The following DGKG variants were observed in gnomAD, a reference collection of about 807,000 sequenced individuals.
DGKG encodes DAG kinase gamma.
DGKG carries 78 observed loss-of-function variants against 105.3 expected under a neutral mutation model. That is an observed-to-expected ratio of 0.74 (90% confidence interval 0.62 to 0.89). DGKG has a LOEUF of 0.89. Ranked by LOEUF, DGKG falls within the 40% of genes least tolerant of loss-of-function variation. DGKG has a pLI of 0.00. For synonymous variants in DGKG, 346 were observed against 367.1 expected, an observed-to-expected ratio of 0.94 and a Z score of 0.66; for missense variants, 958 against 1,020.1, an observed-to-expected ratio of 0.94 and a Z score of 0.83.
At chr3:186,227,551 TCTGTGAAATAATTTA>T (rs1719916566) in intron 20 of DGKG, among the ~76,000 whole-genome samples, 1 of 152,206 alleles carries the variant, frequency 6.6e-6, no homozygotes, top group Admixed American at 6.5e-5. Flanking sequence ...GTTCAGGGTT[TCTGTGAAATAATTTA>T]CTGTGAAATA....
intron 24 of DGKG, among the ~76,000 whole-genome samples, chr3:186,153,466 G>A (rs11925393): frequency 6.6e-6 from 1 of 152,178 alleles, no homozygotes; most frequent in Non-Finnish European, 1.5e-5. Flanking sequence ...ATCACTGACA[G>A]CACCTGGCCA....
At chr3:186,190,345 C>G (rs1717844961) in intron 21 of DGKG, among the ~76,000 whole-genome samples, 1 of 152,132 alleles carries the variant, frequency 6.6e-6, no homozygotes, top group African/African-American at 2.4e-5. Context: ...TGGCAAGACC[C>G]CCAACATTGA....
chr3:186,287,959 G>C (rs914156125), intron 6 of DGKG, among the ~76,000 whole-genome samples: 4 of 152,170 alleles, frequency 2.6e-5, no homozygotes, highest in Non-Finnish European at 5.9e-5. Flanking sequence ...TTTTTAACAA[G>C]GTCCTGTCAT....
At position 186,152,751 on chromosome 3, in the gene DGKG, C is replaced by T. The variant is rs545559120; in HGVS notation, c.2278-2563G>A. On this transcript the variant is annotated intron_variant, in intron 24 of 24. Transcript: ENST00000265022. ...CAATCTCGGCTCACTGCAACCTCCA[C>T]CTCCCAGGTTCAAGCGATTCTTCTG... Among the ~76,000 whole-genome samples, 366 of 152,260 alleles carry T rather than the reference C, an allele frequency of 2.4e-3. 2 individuals carry two copies. The highest frequency in any genetic ancestry group is 4.6e-3 in the Non-Finnish European group (310 of 68,020).
At position 186,148,540 on chromosome 3, in the gene DGKG, G is replaced by GGACT. The variant is rs1214145351; in HGVS notation, c.*1546_*1549dup. The GGACT allele has an allele frequency of 6.0e-5, 59 of 985,246 alleles. No individual in the cohort carries two copies. The highest frequency in any genetic ancestry group is 1.2e-4 in the Admixed American group (2 of 16,262). 61.0% of individuals were successfully genotyped at this position (985,246 alleles called of 1,614,324 possible). Reference sequence around the variant, plus strand: ...CCTCCCTGGCAACCTGGATCCAAGTGGACTCACTTTTCAGTGACCAGAAAT... The same window carrying GGACT: ...CCTCCCTGGCAACCTGGATCCAAGTGGACTGACTCACTTTTCAGTGACCAGAAAT... On this transcript the variant is annotated 3_prime_UTR_variant, in exon 25 of 25. Transcript: ENST00000265022.
Position 186,257,957 on chromosome 3 carries a change from G to C in DGKG, c.1425-18C>G, listed in dbSNP as rs369323525. 7.9e-5 allele frequency: 125 copies of C among 1,589,430 alleles called. 2 individuals carry two copies. The highest frequency in any genetic ancestry group is 1.7e-4 in the Middle Eastern group (1 of 6,034). ...AGTTCAACCTGGGAAGAAGAAGAAA[G>C]GCCAAAATGGGCTTGTTACTAGGTT... On this transcript the variant is annotated intron_variant, in intron 16 of 24. Coordinates refer to ENST00000265022, the MANE Select transcript of DGKG (RefSeq NM_001346.3).
intron 1 of DGKG, among the ~76,000 whole-genome samples, chr3:186,352,145 G>A (rs1726663326): frequency 6.6e-6 from 1 of 152,052 alleles, no homozygotes; most frequent in African/African-American, 2.4e-5. Flanking sequence ...TAGAGAGAAA[G>A]ACCATGCTTA....
At position 186,209,093 on chromosome 3, in the gene DGKG, C is replaced by T. The variant is rs1157928925; in HGVS notation, c.1917+2702G>A. Among the ~76,000 whole-genome samples, 498 of 89,792 alleles carry T rather than the reference C, an allele frequency of 5.5e-3. 11 individuals carry two copies. The highest frequency in any genetic ancestry group is 0.022 in the African/African-American group (461 of 20,764). 58.9% of individuals were successfully genotyped at this position (89,792 alleles called of 152,430 possible). On this transcript the variant is annotated intron_variant, in intron 21 of 24. Coordinates refer to ENST00000265022, the MANE Select transcript of DGKG (RefSeq NM_001346.3). ...TTTTCTCTCCCTTCAGTTTACTCTT[C>T]TTTTTTTTTTTTTTTTTTTTTTTAA...
intron 14 of DGKG, chr3:186,262,050 C>T (rs189504549): frequency 1.7e-5 from 6 of 359,272 alleles, no homozygotes; most frequent in East Asian, 7.0e-5. Flanking sequence ...TCAACGATGA[C>T]GTGGTCTTGT....
intron 19 of DGKG, among the ~76,000 whole-genome samples, chr3:186,247,224 G>A (rs560623166): frequency 6.6e-6 from 1 of 152,134 alleles, no homozygotes; most frequent in Non-Finnish European, 1.5e-5. Flanking sequence ...GTAGCAATGA[G>A]GGCACAGTCA....
intron 22 of DGKG, among the ~76,000 whole-genome samples, chr3:186,165,286 C>T (rs527281100): frequency 1.6e-4 from 24 of 152,324 alleles, no homozygotes; most frequent in Admixed American, 1.4e-3. Flanking sequence ...CAAGAAGTCT[C>T]TTCAAATGTA....
chr3:186,341,613 T>C (rs1452344820), intron 1 of DGKG, among the ~76,000 whole-genome samples: 1 of 152,252 alleles, frequency 6.6e-6, no homozygotes, highest in Non-Finnish European at 1.5e-5. Flanking sequence ...TACATAATTA[T>C]AAAGAATACT....
intron 5 of DGKG, among the ~76,000 whole-genome samples, chr3:186,289,615 C>CT (rs1472932561): frequency 2.0e-5 from 3 of 152,128 alleles, no homozygotes; most frequent in African/African-American, 4.8e-5. Context: ...TTTTGAGACA[C>CT]TTTGAGTGCT....
At chr3:186,340,621 C>T (rs1726045305) in intron 1 of DGKG, among the ~76,000 whole-genome samples, 1 of 152,174 alleles carries the variant, frequency 6.6e-6, no homozygotes, top group Non-Finnish European at 1.5e-5. Context: ...ATATTCATTC[C>T]TCTAACCACT....
intron 19 of DGKG, among the ~76,000 whole-genome samples, chr3:186,247,596 C>T (rs1721004298): frequency 6.6e-6 from 1 of 152,124 alleles, no homozygotes; most frequent in Non-Finnish European, 1.5e-5. Context: ...ATGTCAGCCC[C>T]AGACTCTGTT....
intron 7 of DGKG, among the ~76,000 whole-genome samples, chr3:186,283,501 A>G (rs1211920711): frequency 6.6e-6 from 1 of 151,856 alleles, no homozygotes; most frequent in Non-Finnish European, 1.5e-5. Flanking sequence ...TTCCTCGGCG[A>G]CCCTCGCTAA....
intron 24 of DGKG, among the ~76,000 whole-genome samples, chr3:186,154,810 A>G (rs1481500639): frequency 6.6e-6 from 1 of 152,216 alleles, no homozygotes; most frequent in East Asian, 1.9e-4. Context: ...CAGCATCAGC[A>G]TCACCTTGGA....
chr3:186,259,345 G>C (rs912643378), intron 16 of DGKG, among the ~76,000 whole-genome samples: 2 of 152,226 alleles, frequency 1.3e-5, no homozygotes, highest in Admixed American at 6.5e-5. Context: ...CCGTCACAAG[G>C]CTGTACTGTT....
At chr3:186,330,278 A>G (rs942827823) in intron 1 of DGKG, among the ~76,000 whole-genome samples, 1 of 152,234 alleles carries the variant, frequency 6.6e-6, no homozygotes, top group African/African-American at 2.4e-5. Context: ...ACTTATAATC[A>G]AGTTACTTTA....
Sources: allele counts gnomAD v4.1 joint callset (sites outside exome capture counted in the v4.1 genomes callset), GRCh38; gene constraint gnomAD v4.1.1; transcripts MANE v1.5; gene names NCBI Gene and HGNC (gene_info 2026-07-23, HGNC 2026-07-21).